Variants in TNRC6B observed in about 807,000 individuals in gnomAD.
The protein encoded by TNRC6B is trinucleotide repeat-containing gene 6B protein.
A neutral mutation model predicts 203.6 loss-of-function variants in TNRC6B; 52 were observed. That is an observed-to-expected ratio of 0.26 (90% CI 0.20 to 0.32). The LOEUF is 0.32. Ranked by LOEUF, TNRC6B falls within the 10% of genes least tolerant of loss-of-function variation. The probability of loss-of-function intolerance (pLI) is 1.00; values close to 1 mark genes in which losing one functional copy is unlikely to be tolerated. For synonymous variants in TNRC6B, 838 were observed against 845.7 expected (o/e 0.99, Z 0.16); for missense variants, 1,923 against 2,286.2 (o/e 0.84, Z 3.24).
intron 1 of TNRC6B, among the ~76,000 whole-genome samples, chr22:40,102,870 A>G (rs996991392): frequency 6.6e-6 from 1 of 152,042 alleles, no homozygotes; most frequent in African/African-American, 2.4e-5. Context: ...CGAGGTCAGG[A>G]GACGGAGACC....
At chr22:40,229,308 A>T (rs981395972) in intron 1 of TNRC6B, among the ~76,000 whole-genome samples, 3 of 152,218 alleles carry the variant, frequency 2.0e-5, no homozygotes, top group Admixed American at 6.5e-5. Context: ...GTTCTGATTT[A>T]CAGATTTGTG....
chr22:40,308,560 C>T lies in TNRC6B; in HGVS notation c.4169C>T (p.Ala1390Val), dbSNP rs2071126515. 4.3e-6 allele frequency: 7 copies of T among 1,613,990 alleles called. No individual in the cohort carries two copies. The highest frequency in any genetic ancestry group is 5.9e-6 in the Non-Finnish European group (7 of 1,179,884). The part of the protein sequence containing the change: ...MDYGMVGGKE[A>V]GTESRFKQWT... ...TATGGCATGGTTGGTGGGAAGGAGG[C>T]TGGAACCGAGTCTCGCTTTAAACAG... is the stretch of plus-strand genomic sequence containing the variant. Residue 1390 changes from alanine to valine, a missense_variant, in exon 16 of 23, where the codon GCT becomes GTT. Physicochemically the swap from Ala to Val is moderately conservative, Grantham distance 64. This residue lies in a region of TNRC6B where 242 missense variants were observed against 399.5 expected (regional missense o/e 0.61). Coordinates refer to ENST00000454349, the MANE Select transcript of TNRC6B (RefSeq NM_001162501.2).
At chr22:40,222,724 C>CTTTTTT (rs1569027045) in intron 1 of TNRC6B, among the ~76,000 whole-genome samples, 1 of 91,458 alleles carries the variant, frequency 1.1e-5, no homozygotes, top group African/African-American at 3.6e-5. Flanking sequence ...TTCTCTCTCT[C>CTTTTTT]TCTCTTTTTT....
chr22:40,269,299 AT>A (rs1163465063), intron 5 of TNRC6B, among the ~76,000 whole-genome samples: 1 of 151,508 alleles, frequency 6.6e-6, no homozygotes, highest in African/African-American at 2.4e-5. Flanking sequence ...CGCCCAGCTA[AT>A]TTTTGTATTT....
chr22:40,312,495 C>T lies in TNRC6B; in HGVS notation c.4436-10C>T. 6 of 1,595,054 alleles carry T rather than the reference C, an allele frequency of 3.8e-6. No individual in the cohort carries two copies. The highest frequency in any genetic ancestry group is 2.2e-5 in the East Asian group (1 of 44,460). ...CCTTCCTTCTCTAATATTTGTTTTC[C>T]TTGTCTCAGAATTCCAACCAGGAGT... On this transcript the variant is annotated splice_polypyrimidine_tract_variant and intron_variant, in intron 17 of 22. Coordinates refer to ENST00000454349, the MANE Select transcript of TNRC6B (RefSeq NM_001162501.2).
chr22:40,211,316 G>A (rs185750945), intron 1 of TNRC6B, among the ~76,000 whole-genome samples: 16 of 152,222 alleles, frequency 1.1e-4, no homozygotes, highest in African/African-American at 3.6e-4. Context: ...CTGGACTCAA[G>A]CGATTCTCCA....
intron 4 of TNRC6B, among the ~76,000 whole-genome samples, chr22:40,170,547 A>T (rs1357820106): frequency 1.8e-4 from 3 of 16,926 alleles, no homozygotes; most frequent in Non-Finnish European, 2.6e-4. Context: ...TATATATATT[A>T]TATATATAGT....
intron 3 of TNRC6B, among the ~76,000 whole-genome samples, chr22:40,144,110 T>A (rs555547310): frequency 3.9e-5 from 6 of 152,312 alleles, no homozygotes; most frequent in African/African-American, 1.4e-4. Context: ...CTTTTAGACA[T>A]TGTTGGAAGG....
chr22:40,114,399 C>T (rs987636064), intron 1 of TNRC6B, among the ~76,000 whole-genome samples: 2 of 152,110 alleles, frequency 1.3e-5, no homozygotes, highest in African/African-American at 2.4e-5. Context: ...TGGTTCACTG[C>T]AGCCTTGACC....
chr22:40,084,516 A>G (rs183529293), intron 1 of TNRC6B, among the ~76,000 whole-genome samples: 19 of 152,356 alleles, frequency 1.2e-4, no homozygotes, highest in African/African-American at 4.6e-4. Flanking sequence ...CTCAAATGTC[A>G]GACGGTGATA....
intron 1 of TNRC6B, among the ~76,000 whole-genome samples, chr22:40,179,634 T>C (rs1036988513): frequency 6.6e-5 from 10 of 152,236 alleles, no homozygotes; most frequent in African/African-American, 2.4e-4. Flanking sequence ...TTTTGTTGTT[T>C]CCTTTTTAAT....
chr22:40,299,277 T>C (rs1601503159), intron 12 of TNRC6B, among the ~76,000 whole-genome samples: 1 of 151,846 alleles, frequency 6.6e-6, no homozygotes, highest in African/African-American at 2.4e-5. Flanking sequence ...TTCACTCTTG[T>C]TGCCCATGCT....
chr22:40,309,350 G>A (rs373331653), intron 16 of TNRC6B, among the ~76,000 whole-genome samples: 4 of 152,338 alleles, frequency 2.6e-5, no homozygotes, highest in East Asian at 1.9e-4. Flanking sequence ...GTGTCCGGCT[G>A]TTCCTGCTGC....
At chr22:40,136,288 AAACAGATATAGT>A (rs2068598220) in intron 3 of TNRC6B, among the ~76,000 whole-genome samples, 1 of 152,104 alleles carries the variant, frequency 6.6e-6, no homozygotes, top group South Asian at 2.1e-4. Flanking sequence ...GTGAAATCTA[AAACAGATATAGT>A]AAAATTTGTT....
At chr22:40,215,625 A>C (rs1216262675) in intron 1 of TNRC6B, among the ~76,000 whole-genome samples, 1 of 152,148 alleles carries the variant, frequency 6.6e-6, no homozygotes, top group Non-Finnish European at 1.5e-5. Context: ...CACTGGCCCA[A>C]AGCTCCATGG....
intron 2 of TNRC6B, among the ~76,000 whole-genome samples, chr22:40,249,960 G>T (rs2070164624): frequency 6.6e-6 from 1 of 152,146 alleles, no homozygotes; most frequent in African/African-American, 2.4e-5. Context: ...CTCTTATTTA[G>T]AGTCTGATGG....
intron 1 of TNRC6B, among the ~76,000 whole-genome samples, chr22:40,220,041 T>TA (rs1466645447): frequency 6.6e-6 from 1 of 152,224 alleles, no homozygotes; most frequent in Non-Finnish European, 1.5e-5. Context: ...TTTGTAAACT[T>TA]AGATATTTTA....
chr22:40,176,726 A>G (rs1168067541), upstream of TNRC6B, among the ~76,000 whole-genome samples: 1 of 152,190 alleles, frequency 6.6e-6, no homozygotes, highest in African/African-American at 2.4e-5. Context: ...ACATTCTTTC[A>G]TAAATTGCAA....
intron 15 of TNRC6B, among the ~76,000 whole-genome samples, chr22:40,308,219 C>A (rs542037188): frequency 4.6e-5 from 7 of 152,206 alleles, no homozygotes; most frequent in Non-Finnish European, 7.3e-5. Context: ...GTGGCTGGCC[C>A]CAGCCTCCTG....
Sources: gnomAD v4.1 joint callset for allele counts (sites outside exome capture counted in the v4.1 genomes callset) on GRCh38, gnomAD v4.1.1 for gene constraint, gnomAD v4.1.1 regional missense constraint, MANE v1.5 for transcripts, NCBI Gene and HGNC (gene_info 2026-07-23, HGNC 2026-07-21) for gene names.